Variants in ZRANB3 observed in about 807,000 individuals in gnomAD.
ZRANB3 encodes the protein DNA annealing helicase and endonuclease ZRANB3.
In ZRANB3, 125 loss-of-function variants were observed where a neutral mutation model predicts 133.8. That is an observed-to-expected ratio of 0.93 (90% CI 0.81 to 1.08). The LOEUF is 1.08. ZRANB3 is among the 50% of genes least tolerant of loss of function. ZRANB3 has a pLI of 0.00. For missense variants in ZRANB3, 1,229 were observed against 1,275.5 expected, an observed-to-expected ratio of 0.96 and a Z score of 0.56; for synonymous variants, 387 against 432.7, an observed-to-expected ratio of 0.89 and a Z score of 1.31.
At chr2:135,364,594 A>C (rs1685839862) in intron 3 of ZRANB3, among the ~76,000 whole-genome samples, 1 of 151,966 alleles carries the variant, frequency 6.6e-6, no homozygotes, top group South Asian at 2.1e-4. Context: ...CTAAAAATAC[A>C]AAAATTAGGC....
chr2:135,350,239 T>TA, intron 4 of ZRANB3, 24 bp from the exon 5 acceptor site: 1 of 1,511,722 alleles, frequency 6.6e-7, no homozygotes. Flanking sequence ...TCCATGTACT[T>TA]AAAAAATATC....
In ZRANB3 at chr2:135,342,606, G is replaced by A. The variant is rs536656180; in HGVS notation, c.677+2944C>T. 1.5e-4 allele frequency among the ~76,000 whole-genome samples: 22 copies of A among 149,336 alleles called. No homozygotes were observed. In the South Asian group the frequency reaches 3.1e-3, roughly 21 times the overall value. On this transcript the variant is annotated intron_variant, in intron 6 of 20. Coordinates refer to ENST00000264159, the MANE Select transcript of ZRANB3 (RefSeq NM_032143.4). ...ATTACAGGTGTGAGTCACTGTGCCCGTCTTTTTTCTTTTTTTTTAAGTAAA... is the reference window on the plus strand; with the variant it reads ...ATTACAGGTGTGAGTCACTGTGCCCATCTTTTTTCTTTTTTTTTAAGTAAA...
intron 2 of ZRANB3, among the ~76,000 whole-genome samples, chr2:135,443,127 G>GAAAGAAAAAGAAAAAAGAAAAGA (rs1689857602): frequency 7.7e-6 from 1 of 130,008 alleles, no homozygotes; most frequent in African/African-American, 3.7e-5. Flanking sequence ...AAAAAAAAAA[G>GAAAGAAAAAGAAAAAAGAAAAGA]AAAGAAAAAG....
rs372023128 is a variant in ZRANB3 at position 135,258,452 on chromosome 2, G to A, written c.1539+7082C>T. Reference sequence around the variant, plus strand: ...TAAAAGGGGATTCAATCTGTGAAGCGCAAAGCCTGCTAGCAGGACTCTCAC... The same window carrying A: ...TAAAAGGGGATTCAATCTGTGAAGCACAAAGCCTGCTAGCAGGACTCTCAC... On this transcript the variant is annotated intron_variant, in intron 12 of 20. Coordinates refer to ENST00000264159, the MANE Select transcript of ZRANB3 (RefSeq NM_032143.4). Among the ~76,000 whole-genome samples, 54 of 152,226 alleles carry A rather than the reference G, an allele frequency of 3.5e-4. 2 individuals carry two copies. In the East Asian group the frequency reaches 5.2e-3, roughly 15 times the overall value.
chr2:135,375,876 C>T (rs772843482), intron 3 of ZRANB3, among the ~76,000 whole-genome samples: 3 of 151,958 alleles, frequency 2.0e-5, no homozygotes, highest in Non-Finnish European at 4.4e-5. Flanking sequence ...AAAATATTGT[C>T]TTACCATATG....
At chr2:135,490,464 C>T (rs544993867) in intron 2 of ZRANB3, among the ~76,000 whole-genome samples, 88 of 152,172 alleles carry the variant, frequency 5.8e-4, no homozygotes, top group Middle Eastern at 6.8e-3. Context: ...TATCATCTCA[C>T]CCCAGTTAAA....
At chr2:135,224,264 C>A (rs996541258) in intron 15 of ZRANB3, among the ~76,000 whole-genome samples, 162 bp downstream of exon 15, 1 of 152,130 alleles carries the variant, frequency 6.6e-6, no homozygotes, top group Non-Finnish European at 1.5e-5. Flanking sequence ...TGTGGTTTTA[C>A]CTCTCATTGT....
chr2:135,320,048 G>A (rs1333836530), intron 6 of ZRANB3, among the ~76,000 whole-genome samples: 4 of 152,030 alleles, frequency 2.6e-5, no homozygotes, highest in Admixed American at 6.6e-5. Flanking sequence ...TTCCCCCCAA[G>A]AGATGGGTTC....
intron 2 of ZRANB3, among the ~76,000 whole-genome samples, chr2:135,397,285 C>A (rs751265067): frequency 1.1e-4 from 17 of 151,560 alleles, no homozygotes; most frequent in Non-Finnish European, 2.1e-4. Context: ...TCCACTAAAA[C>A]TAAAAATAAA....
chr2:135,325,317 G>C (rs1389680372), intron 6 of ZRANB3, among the ~76,000 whole-genome samples: 4 of 151,982 alleles, frequency 2.6e-5, no homozygotes, highest in Admixed American at 6.6e-5. Flanking sequence ...TAAATGAGAA[G>C]GAAAAAATTT....
intron 3 of ZRANB3, among the ~76,000 whole-genome samples, chr2:135,386,112 C>T (rs549435208): frequency 6.6e-6 from 1 of 152,218 alleles, no homozygotes; most frequent in South Asian, 2.1e-4. Context: ...GGGCTAATAT[C>T]CAGAATCTAC....
rs142943695 is a variant in ZRANB3 at position 135,434,479 on chromosome 2, T to G, written c.162-43659A>C. 7.9e-5 allele frequency among the ~76,000 whole-genome samples: 12 copies of G among 152,324 alleles called. No homozygotes were observed. In the East Asian group the frequency reaches 2.1e-3, roughly 27 times the overall value. On this transcript the variant is annotated intron_variant, in intron 2 of 20. Coordinates refer to ENST00000264159, the MANE Select transcript of ZRANB3 (RefSeq NM_032143.4). ...CTGAAACATTGGAGAAGGAAGATAA[T>G]CTATCAGTTAAAATGGTGATTGATG...
chr2:135,303,413 C>A lies in ZRANB3; in HGVS notation c.966+10076G>T, dbSNP rs191820874. 2.0e-5 allele frequency among the ~76,000 whole-genome samples: 3 copies of A among 152,142 alleles called. No homozygotes were observed. The East Asian group carries it at 5.8e-4, about 29-fold the overall frequency. On this transcript the variant is annotated intron_variant, in intron 8 of 20. Transcript: ENST00000264159. ...TTTATGTGTGGTGTGAAATAATGTT[C>A]AAGACTTCTTTTTTTCCTTATGGAT...
chr2:135,305,017 C>T (rs1272110145), intron 8 of ZRANB3, among the ~76,000 whole-genome samples: 2 of 152,046 alleles, frequency 1.3e-5, no homozygotes, highest in African/African-American at 4.8e-5. Context: ...CACTATGTCG[C>T]CCAGGCTGGA....
At chr2:135,447,867 G>A (rs1690092528) in intron 2 of ZRANB3, among the ~76,000 whole-genome samples, 1 of 152,144 alleles carries the variant, frequency 6.6e-6, no homozygotes, top group African/African-American at 2.4e-5. Flanking sequence ...AGGGAAACAA[G>A]GGAAATGACA....
intron 12 of ZRANB3, among the ~76,000 whole-genome samples, chr2:135,236,450 T>C (rs945238040): frequency 3.3e-5 from 5 of 152,118 alleles, no homozygotes; most frequent in African/African-American, 1.2e-4. Flanking sequence ...TTAAAGTTCA[T>C]ATGGAACCAA....
Position 135,230,863 on chromosome 2 carries a change from A to AG in ZRANB3, c.1603_1604insC (p.Leu535SerfsTer6). ...CTTTGATTCGTCACAGGAGGTCATC[A>AG]ACTGTCTTTTTTTAGGTTGTGGTAC... On this transcript the variant is annotated frameshift_variant, in exon 13 of 21. Transcript: ENST00000264159. LOFTEE classifies it high-confidence loss of function. 3.1e-6 allele frequency: 5 copies of AG among 1,599,564 alleles called. No individual in the cohort carries two copies. Among genetic ancestry groups the AG allele is most frequent in the Non-Finnish European group, 4.3e-6 (5 of 1,175,174 alleles).
intron 2 of ZRANB3, among the ~76,000 whole-genome samples, chr2:135,487,185 T>C (rs909934376): frequency 6.6e-6 from 1 of 152,166 alleles, no homozygotes; most frequent in Non-Finnish European, 1.5e-5. Flanking sequence ...GCAATAATAT[T>C]TTGAAAGGAA....
intron 8 of ZRANB3, among the ~76,000 whole-genome samples, chr2:135,293,113 T>C (rs1681849592): frequency 6.6e-6 from 1 of 152,006 alleles, no homozygotes; most frequent in African/African-American, 2.4e-5. Flanking sequence ...TTAAAGTAGT[T>C]TTTTCCAATT....
Sources: gnomAD v4.1 joint callset for allele counts (sites outside exome capture counted in the v4.1 genomes callset) on GRCh38, gnomAD v4.1.1 for gene constraint, MANE v1.5 for transcripts, NCBI Gene and HGNC (gene_info 2026-07-23, HGNC 2026-07-21) for gene names.